The following EYA4 variants were observed in gnomAD, a reference collection of about 807,000 sequenced individuals.
EYA4 encodes the protein protein phosphatase EYA4.
EYA4 carries 31 observed loss-of-function variants against 87.9 expected under a neutral mutation model. The ratio of observed to expected loss-of-function variants is 0.35; its 90% confidence interval spans 0.27 to 0.48. The LOEUF (loss-of-function observed/expected upper bound fraction) is 0.48, where lower values mean the gene tolerates loss of function less well. EYA4 is among the 20% of genes least tolerant of loss of function. The pLI is 0.99. For synonymous variants in EYA4, 263 were observed against 270.6 expected (o/e 0.97, Z 0.28); for missense variants, 678 against 761.4 (o/e 0.89, Z 1.29).
intron 3 of EYA4, among the ~76,000 whole-genome samples, chr6:133,431,495 G>A (rs1791178734): frequency 6.6e-6 from 1 of 152,224 alleles, no homozygotes; most frequent in Non-Finnish European, 1.5e-5. Context: ...ATAATGGTTT[G>A]TAATTAGCAA....
intron 1 of EYA4, among the ~76,000 whole-genome samples, chr6:133,262,832 G>A (rs1329779192): frequency 6.6e-6 from 1 of 152,186 alleles, no homozygotes; most frequent in Non-Finnish European, 1.5e-5. Context: ...TAGTTTGTAG[G>A]TTGGCTCCAT....
chr6:133,283,287 C>T (rs1221395755), intron 2 of EYA4, among the ~76,000 whole-genome samples: 1 of 151,508 alleles, frequency 6.6e-6, no homozygotes, highest in African/African-American at 2.4e-5. Flanking sequence ...GAGCAAGATT[C>T]TGTCTCAATA....
intron 3 of EYA4, among the ~76,000 whole-genome samples, chr6:133,391,332 C>T (rs989142918): frequency 4.7e-5 from 7 of 150,086 alleles, no homozygotes; most frequent in Non-Finnish European, 8.9e-5. Flanking sequence ...CAGGTTCAAG[C>T]GATTCTCCTG....
intron 2 of EYA4, among the ~76,000 whole-genome samples, chr6:133,314,093 A>G (rs1288585270): frequency 1.3e-5 from 2 of 152,192 alleles, no homozygotes; most frequent in African/African-American, 2.4e-5. Flanking sequence ...AAAGCTATCA[A>G]TGGAGGTACA....
At chr6:133,390,371 G>A (rs954655531) in intron 3 of EYA4, among the ~76,000 whole-genome samples, 1 of 151,836 alleles carries the variant, frequency 6.6e-6, no homozygotes. Context: ...AGGCGCCCCC[G>A]CCACCACACC....
chr6:133,469,005 C>T (rs1464151714), intron 11 of EYA4, among the ~76,000 whole-genome samples: 3 of 152,026 alleles, frequency 2.0e-5, no homozygotes, highest in Non-Finnish European at 4.4e-5. Context: ...TTGTGAAGAA[C>T]TTGCAACAAA....
intron 13 of EYA4, among the ~76,000 whole-genome samples, chr6:133,484,078 G>A (rs1368048278): frequency 6.6e-6 from 1 of 152,112 alleles, no homozygotes; most frequent in Non-Finnish European, 1.5e-5. Context: ...CTCTGTGAGT[G>A]CTTCTCCGAA....
chr6:133,371,177 G>T, intron 2 of EYA4, among the ~76,000 whole-genome samples: 1 of 152,158 alleles, frequency 6.6e-6, no homozygotes, highest in Non-Finnish European at 1.5e-5. Context: ...TTTTATTCTT[G>T]TGAGAACAAC....
intron 13 of EYA4, among the ~76,000 whole-genome samples, chr6:133,485,045 T>C (rs1488488411): frequency 1.3e-5 from 2 of 152,194 alleles, no homozygotes; most frequent in Non-Finnish European, 2.9e-5. Flanking sequence ...TTGTCAAAAA[T>C]ACCATAGAGT....
rs3822937 is a variant in EYA4, at chr6:133,506,370, G to T, written c.1281+175G>T. 0.21 allele frequency: 115,467 copies of T among 542,386 alleles called. 14,028 individuals are homozygous for T. The highest frequency in any genetic ancestry group is 0.4 in the African/African-American group (20,819 of 52,430). 33.6% of individuals were successfully genotyped at this position (542,386 alleles called of 1,614,324 possible). A position where few individuals can be genotyped will look rare whatever the true frequency, so the allele number is the denominator to read the frequency against. On this transcript the variant is annotated intron_variant, in intron 14 of 19. Transcript: ENST00000355286. The stretch of plus-strand genomic sequence containing the variant: ...ACAAATATAAGCAGAAAGTTAATTT[G>T]TGTTCATGAATAATACATATGTAGA...
intron 3 of EYA4, among the ~76,000 whole-genome samples, chr6:133,409,738 C>T (rs79609485): frequency 0.023 from 3,518 of 152,014 alleles, 126 homozygotes; most frequent in African/African-American, 0.074. Context: ...CAGTTATGTA[C>T]GATGAATAAC....
At chr6:133,402,651 G>A (rs117503067) in intron 3 of EYA4, among the ~76,000 whole-genome samples, 3,813 of 152,080 alleles carry the variant, frequency 0.025, 67 homozygotes, top group Non-Finnish European at 0.04. Flanking sequence ...CTGGAACTGG[G>A]TGTCATATGC....
Position 133,468,579 on chromosome 6 carries a change from A to C in EYA4, c.818A>C (p.Tyr273Ser), listed in dbSNP as rs1173112352. Residue 273 changes from tyrosine (Y) to serine (S), a missense_variant, in exon 11 of 20, where the codon TAT (tyrosine) becomes TCT (serine). Coordinates refer to ENST00000355286, the MANE Select transcript of EYA4 (RefSeq NM_004100.5). ...TTATTGTTTCAGGATTATCCATCCT[A>C]TACAGCCTTTGGCCAAAACCAGTAT... ...FSGSQQDYPSYTAFGQNQYAQ... is the reference protein window; with the variant it reads ...FSGSQQDYPSSTAFGQNQYAQ... 1.9e-6 allele frequency: 3 copies of C among 1,610,966 alleles called. No individual in the cohort carries two copies. Among genetic ancestry groups the C allele is most frequent in the Non-Finnish European group, 2.5e-6 (3 of 1,177,472 alleles).
chr6:133,248,445 A>G (rs922843993), intron 1 of EYA4: 5 of 152,220 alleles, frequency 3.3e-5, no homozygotes, highest in East Asian at 3.8e-4. Context: ...CTCATTATGC[A>G]CAAGGTCATA....
chr6:133,357,979 T>C (rs1020568777), intron 2 of EYA4, among the ~76,000 whole-genome samples: 1 of 152,138 alleles, frequency 6.6e-6, no homozygotes, highest in Non-Finnish European at 1.5e-5. Flanking sequence ...TAGGCCCTGT[T>C]TATCTAAAGT....
chr6:133,242,925 C>T (rs1774081425), intron 1 of EYA4, among the ~76,000 whole-genome samples: 1 of 152,144 alleles, frequency 6.6e-6, no homozygotes, highest in African/African-American at 2.4e-5. Context: ...ACCGCGTCTC[C>T]TGCGCCTCTC....
intron 3 of EYA4, among the ~76,000 whole-genome samples, chr6:133,395,268 T>TA (rs1454807720): frequency 1.3e-5 from 2 of 149,630 alleles, no homozygotes; most frequent in Non-Finnish European, 3.0e-5. Context: ...GTCAGGTACC[T>TA]AGCACAGTGT....
intron 3 of EYA4, among the ~76,000 whole-genome samples, chr6:133,419,200 A>G (rs914417364): frequency 6.6e-6 from 1 of 152,240 alleles, no homozygotes; most frequent in African/African-American, 2.4e-5. Context: ...TTACTTACAT[A>G]AACTCATGAA....
chr6:133,504,773 T>C (rs1334187573), intron 13 of EYA4, among the ~76,000 whole-genome samples: 1 of 152,144 alleles, frequency 6.6e-6, no homozygotes, highest in Non-Finnish European at 1.5e-5. Context: ...CAGTTCAGGG[T>C]GTAGATGAAT....
Sources: gnomAD v4.1 joint callset for allele counts (sites outside exome capture counted in the v4.1 genomes callset) on GRCh38, gnomAD v4.1.1 for gene constraint, MANE v1.5 for transcripts, NCBI Gene and HGNC (gene_info 2026-07-23, HGNC 2026-07-21) for gene names.